CNNM1: variants seen among roughly 807,000 people sequenced by gnomAD.
CNNM1 encodes the protein cyclin and CBS domain divalent metal cation transport mediator 1.
CNNM1 carries 44 observed loss-of-function variants against 78.8 expected under a neutral mutation model. The ratio of observed to expected loss-of-function variants is 0.56; its 90% confidence interval spans 0.44 to 0.72. The LOEUF (loss-of-function observed/expected upper bound fraction) is 0.72, where lower values mean the gene tolerates loss of function less well. CNNM1 is among the 30% of genes least tolerant of loss of function. CNNM1 has a pLI of 0.00. For synonymous variants in CNNM1, 584 were observed against 581.5 expected, an observed-to-expected ratio of 1.00 and a Z score of -0.06; for missense variants, 1,101 against 1,292.2, an observed-to-expected ratio of 0.85 and a Z score of 2.27.
intron 7 of CNNM1, among the ~76,000 whole-genome samples, chr10:99,385,626 T>C (rs1313322950): frequency 6.6e-6 from 1 of 152,238 alleles, no homozygotes; most frequent in Non-Finnish European, 1.5e-5. Context: ...TCCTAACAGT[T>C]TCATATAATG....
intron 6 of CNNM1, 64 bp downstream of exon 6, chr10:99,365,066 G>C (rs773934423): frequency 5.1e-6 from 8 of 1,555,582 alleles, no homozygotes; most frequent in Non-Finnish European, 7.1e-6. Flanking sequence ...CCCGCTCTGG[G>C]GACCTGGACC....
At chr10:99,376,125 G>A (rs1313971114) in intron 6 of CNNM1, among the ~76,000 whole-genome samples, 2 of 152,164 alleles carry the variant, frequency 1.3e-5, no homozygotes, top group Non-Finnish European at 2.9e-5. Context: ...CCACACTTTG[G>A]CCCTTCTCAG....
At chr10:99,356,627 A>AAAGAAAGAAAGAAAGAAAAGAAAAG (rs1554940134) in intron 1 of CNNM1, among the ~76,000 whole-genome samples, 3 of 137,016 alleles carry the variant, frequency 2.2e-5, no homozygotes, top group Non-Finnish European at 4.9e-5. Flanking sequence ...GAAAGAAAAG[A>AAAGAAAGAAAGAAAGAAAAGAAAAG]AAAGAAAGAA....
At chr10:99,336,041 C>T (rs528262810) in intron 1 of CNNM1, among the ~76,000 whole-genome samples, 120 of 152,300 alleles carry the variant, frequency 7.9e-4, no homozygotes, top group Admixed American at 3.0e-3. Flanking sequence ...TGTGGGAAGA[C>T]AAACATTCAG....
intron 1 of CNNM1, among the ~76,000 whole-genome samples, chr10:99,341,090 A>G (rs1357618589): frequency 1.3e-5 from 2 of 152,156 alleles, no homozygotes; most frequent in East Asian, 3.9e-4. Context: ...CTGAACATAT[A>G]ATAGATAGAC....
At chr10:99,391,079 G>C (rs1163101577) in intron 10 of CNNM1, among the ~76,000 whole-genome samples, 1 of 152,222 alleles carries the variant, frequency 6.6e-6, no homozygotes, top group Non-Finnish European at 1.5e-5. Flanking sequence ...CTATGAGATT[G>C]GTCCTCTCTG....
At chr10:99,383,422 C>T (rs1490443068) in intron 7 of CNNM1, among the ~76,000 whole-genome samples, 4 of 152,070 alleles carry the variant, frequency 2.6e-5, no homozygotes, top group Non-Finnish European at 4.4e-5. Context: ...TACAGGCATG[C>T]GCCACCACGC....
At chr10:99,336,238 C>G (rs1311255562) in intron 1 of CNNM1, among the ~76,000 whole-genome samples, 4 of 152,220 alleles carry the variant, frequency 2.6e-5, no homozygotes, top group Non-Finnish European at 5.9e-5. Flanking sequence ...CGTCCTAAGG[C>G]AACACATTAC....
At chr10:99,335,667 C>T (rs951422434) in intron 1 of CNNM1, among the ~76,000 whole-genome samples, 5 of 152,204 alleles carry the variant, frequency 3.3e-5, no homozygotes, top group Non-Finnish European at 1.5e-5. Context: ...CTTTCCTTTG[C>T]ATTCACCTCA....
intron 7 of CNNM1, among the ~76,000 whole-genome samples, chr10:99,381,499 T>C (rs1291413754): frequency 4.1e-4 from 62 of 151,822 alleles, no homozygotes; most frequent in Non-Finnish European, 1.5e-5. Flanking sequence ...CCCAGCACTT[T>C]GGGAGGCTGA....
chr10:99,330,315 GGGGGCACC>G lies in CNNM1; in HGVS notation c.933_940del (p.Thr312ArgfsTer95). 6.3e-7 allele frequency: 1 copy of G among 1,593,372 alleles called. No homozygotes were observed. Among genetic ancestry groups the G allele is most frequent in the Non-Finnish European group, 8.5e-7 (1 of 1,170,646 alleles). The stretch of plus-strand genomic sequence containing the variant: ...GTACACCTCGCTGCCGCCGGGCTTC[GGGGGCACC>G]GGGGAAGACTACAGCGAAGAGGGGA... On this transcript the variant is annotated frameshift_variant, in exon 1 of 11. Transcript: ENST00000356713. LOFTEE classifies it high-confidence loss of function.
At chr10:99,359,004 C>CAAAAAAAAAAAAAA (rs769541046) in intron 2 of CNNM1, among the ~76,000 whole-genome samples, 1 of 51,498 alleles carries the variant, frequency 1.9e-5, no homozygotes, top group African/African-American at 7.1e-5. Context: ...AAGACTGTCT[C>CAAAAAAAAAAAAAA]AAAAAAAAAA....
chr10:99,371,536 A>T (rs1349280731), intron 6 of CNNM1, among the ~76,000 whole-genome samples: 1 of 152,178 alleles, frequency 6.6e-6, no homozygotes, highest in Non-Finnish European at 1.5e-5. Context: ...TCTATTCATA[A>T]TGTGCACTGA....
intron 1 of CNNM1, among the ~76,000 whole-genome samples, chr10:99,356,514 GAGAA>G (rs1307110690): frequency 1.4e-5 from 2 of 142,536 alleles, no homozygotes; most frequent in African/African-American, 5.4e-5. Flanking sequence ...GAGAGAGAAA[GAGAA>G]AGAGAGAAAG....
chr10:99,358,967 C>T (rs988814153), intron 2 of CNNM1, among the ~76,000 whole-genome samples: 4 of 137,822 alleles, frequency 2.9e-5, no homozygotes, highest in South Asian at 2.3e-4. Context: ...CCACAGCACT[C>T]CAGCATGGGA....
intron 1 of CNNM1, among the ~76,000 whole-genome samples, chr10:99,344,404 C>T (rs2030594807): frequency 6.6e-6 from 1 of 151,956 alleles, no homozygotes; most frequent in African/African-American, 2.4e-5. Flanking sequence ...AGGCTGAAGA[C>T]AATTCCAGTA....
At chr10:99,353,412 G>T (rs949397810) in intron 1 of CNNM1, among the ~76,000 whole-genome samples, 17 of 152,290 alleles carry the variant, frequency 1.1e-4, no homozygotes, top group African/African-American at 4.1e-4. Flanking sequence ...ATAGCAACAG[G>T]TAGCTTCAAT....
intron 6 of CNNM1, among the ~76,000 whole-genome samples, chr10:99,370,661 C>T (rs1371396595): frequency 6.6e-6 from 1 of 152,138 alleles, no homozygotes. Flanking sequence ...AGTGCTCGAT[C>T]GTCCATTCAT....
Position 99,330,019 on chromosome 10 carries a change from T to G in CNNM1, c.632T>G (p.Leu211Trp), listed in dbSNP as rs1850567473. 2 of 1,435,434 alleles carry G rather than the reference T, an allele frequency of 1.4e-6. No homozygotes were observed. The highest frequency in any genetic ancestry group is 2.9e-5 in the South Asian group (2 of 68,630). The allele number at this position is 1,435,434 out of a possible 1,614,324, so 88.9% of individuals were successfully genotyped here. The change falls in exon 1 of 11, where the codon TTG (leucine) becomes TGG (tryptophan). Residue 211 changes from leucine (L) to tryptophan (W), a missense_variant. Transcript: ENST00000356713. ...TTCCTGCTGCGCGTTCGCCCGCGGT[T>G]GTACGGCCCAGGCGGGGACCTGCTG... ...GGFLLRVRPR[L>W]YGPGGDLLPP... is the part of the protein sequence containing the mutation.
Sources: allele counts gnomAD v4.1 joint callset (sites outside exome capture counted in the v4.1 genomes callset), GRCh38; gene constraint gnomAD v4.1.1; transcripts MANE v1.5; gene names NCBI Gene and HGNC (gene_info 2026-07-23, HGNC 2026-07-21).